The following CUX1 variants were observed in gnomAD, a reference collection of about 807,000 sequenced individuals.
The protein encoded by CUX1 is protein CASP.
A neutral mutation model predicts 158.8 loss-of-function variants in CUX1; 31 were observed. The observed-to-expected ratio is 0.20, with a 90% CI of 0.15 to 0.26. The LOEUF is 0.26. Ranked by LOEUF, CUX1 falls within the 10% of genes least tolerant of loss-of-function variation. CUX1 has a pLI of 1.00. For synonymous variants in CUX1, 879 were observed against 862.1 expected (o/e 1.02, Z -0.34); for missense variants, 1,589 against 2,014.6 (o/e 0.79, Z 4.04).
intron 9 of CUX1, among the ~76,000 whole-genome samples, chr7:102,164,584 A>G (rs1285405815): frequency 6.6e-6 from 1 of 152,200 alleles, no homozygotes; most frequent in Non-Finnish European, 1.5e-5. Context: ...GACCCTCACC[A>G]CGGAGAGTGG....
At chr7:101,995,227 A>C (rs1004483630) in intron 2 of CUX1, among the ~76,000 whole-genome samples, 1 of 151,432 alleles carries the variant, frequency 6.6e-6, no homozygotes, top group Admixed American at 6.6e-5. Flanking sequence ...CCTTAGGAAC[A>C]CTCCTCATAC....
rs578183858 is a variant in CUX1, at chr7:102,212,365, C to T, written c.3130+7195C>T. 3.5e-4 allele frequency among the ~76,000 whole-genome samples: 53 copies of T among 152,242 alleles called. 1 individual carries two copies. In the South Asian group the frequency reaches 0.011, roughly 32 times the overall value. ...GCACCGCCCCAGCACCCTGCAGTCC[C>T]ACCTTCCAGCACCACTCGTCACACA... On this transcript the variant is annotated intron_variant, in intron 20 of 23. Coordinates refer to ENST00000292535, the MANE Select transcript of CUX1 (RefSeq NM_181552.4).
intron 14 of CUX1, chr7:102,273,345 C>G: frequency 6.2e-7 from 1 of 1,609,026 alleles, no homozygotes; most frequent in African/African-American, 1.3e-5. Context: ...CTCTGACGGC[C>G]ATGTCTTCCT....
At chr7:102,258,950 C>T (rs111862580), downstream of CUX1, among the ~76,000 whole-genome samples, 4 of 152,128 alleles carry the variant, frequency 2.6e-5, no homozygotes, top group Non-Finnish European at 5.9e-5. Context: ...TAGGCTTCTC[C>T]GCGCAGTTGT....
intron 20 of CUX1, among the ~76,000 whole-genome samples, chr7:102,213,714 T>A (rs1271562752): frequency 1.3e-5 from 2 of 152,192 alleles, no homozygotes; most frequent in Non-Finnish European, 2.9e-5. Context: ...AGGGAAGGAA[T>A]GAAGAAGCTT....
chr7:102,077,876 A>G (rs1448253857), intron 4 of CUX1, among the ~76,000 whole-genome samples: 1 of 144,084 alleles, frequency 6.9e-6, no homozygotes, highest in Non-Finnish European at 1.5e-5. Context: ...GATACTTTTC[A>G]TTTTTTTTTT....
chr7:101,959,674 T>C (rs1239167398), intron 2 of CUX1: 1 of 152,194 alleles, frequency 6.6e-6, no homozygotes, highest in Non-Finnish European at 1.5e-5. Context: ...ATTTCTTTGT[T>C]TGCGTGTATT....
intron 1 of CUX1, among the ~76,000 whole-genome samples, chr7:101,872,456 G>A (rs1662390933): frequency 1.3e-5 from 2 of 152,046 alleles, no homozygotes; most frequent in South Asian, 2.1e-4. Flanking sequence ...TTTTTGGGGG[G>A]AAAGAATCTG....
intron 2 of CUX1, among the ~76,000 whole-genome samples, chr7:102,022,969 C>T (rs952556178): frequency 2.0e-5 from 3 of 152,162 alleles, no homozygotes; most frequent in South Asian, 4.1e-4. Flanking sequence ...AATCCCAGCA[C>T]TTTGGGAGGC....
chr7:102,265,106 A>C (rs1790703669), intron 14 of CUX1: 1 of 152,202 alleles, frequency 6.6e-6, no homozygotes, highest in Non-Finnish European at 1.5e-5. Flanking sequence ...CTATAATCCC[A>C]GCACTTTGGG....
At chr7:102,156,764 G>A (rs554595673) in intron 8 of CUX1, among the ~76,000 whole-genome samples, 53 of 152,306 alleles carry the variant, frequency 3.5e-4, no homozygotes, top group South Asian at 1.7e-3. Context: ...AGACTTGCCC[G>A]TCACAGACAG....
chr7:102,033,095 C>T (rs1027718491), intron 3 of CUX1, among the ~76,000 whole-genome samples: 3 of 152,134 alleles, frequency 2.0e-5, no homozygotes. Flanking sequence ...TAAGAAATAA[C>T]TTGAGTGCTC....
At position 102,201,228 on chromosome 7, in the gene CUX1, A is replaced by C; in HGVS notation, c.2063-132A>C. On this transcript the variant is annotated intron_variant, in intron 17 of 23. Transcript: ENST00000292535. The surrounding 1 kb of genome is among the most constrained non-coding windows in gnomAD (Gnocchi z 5.0). ...CCTGAATGTTTCACTGACAGGGGCCATGCTGGGGAAATACACAGTGTGGTT... is the reference window on the plus strand; with the variant it reads ...CCTGAATGTTTCACTGACAGGGGCCCTGCTGGGGAAATACACAGTGTGGTT... 7.5e-7 allele frequency: 1 copy of C among 1,337,670 alleles called. No homozygotes were observed. Among genetic ancestry groups the C allele is most frequent in the Admixed American group, 2.1e-5 (1 of 46,552 alleles). The allele number at this position is 1,337,670 out of a possible 1,614,324, so 82.9% of individuals were successfully genotyped here. A position where few individuals can be genotyped will look rare whatever the true frequency, so the allele number is the denominator to read the frequency against.
intron 4 of CUX1, among the ~76,000 whole-genome samples, chr7:102,077,639 TAAAC>T (rs1211580984): frequency 6.8e-6 from 1 of 147,128 alleles, no homozygotes; most frequent in Non-Finnish European, 1.5e-5. Context: ...AAGAAAAAAA[TAAAC>T]AAGTAAAATA....
At chr7:102,195,727 A>T (rs1794736410) in intron 14 of CUX1, 124 bp downstream of exon 14, 1 of 825,812 alleles carries the variant, frequency 1.2e-6, no homozygotes, top group African/African-American at 1.7e-5. Context: ...GTTGACGAGA[A>T]CCTTTGACTA....
intron 2 of CUX1, among the ~76,000 whole-genome samples, chr7:102,012,745 A>G (rs1342920171): frequency 6.6e-6 from 1 of 151,872 alleles, no homozygotes; most frequent in Non-Finnish European, 1.5e-5. Flanking sequence ...TCTGTCTCTC[A>G]GTACAAATTT....
At chr7:101,970,336 C>T (rs916842525) in intron 2 of CUX1, among the ~76,000 whole-genome samples, 19 of 151,970 alleles carry the variant, frequency 1.3e-4, no homozygotes, top group Admixed American at 1.1e-3. Flanking sequence ...GAGACAGAGC[C>T]GCCTGACCCT....
intron 3 of CUX1, among the ~76,000 whole-genome samples, chr7:102,034,499 A>G (rs572094255): frequency 1.3e-5 from 2 of 152,244 alleles, no homozygotes; most frequent in South Asian, 4.2e-4. Context: ...TCACACCTGT[A>G]ATCCCAGCAC....
chr7:102,117,027 G>A (rs1831504765), intron 8 of CUX1, among the ~76,000 whole-genome samples: 1 of 152,174 alleles, frequency 6.6e-6, no homozygotes, highest in Non-Finnish European at 1.5e-5. Flanking sequence ...TGCAATCAAG[G>A]GGACAGGGCG....
Sources: gnomAD v4.1 joint callset for allele counts (sites outside exome capture counted in the v4.1 genomes callset) on GRCh38, gnomAD v4.1.1 for gene constraint, Gnocchi (gnomAD v3.1) non-coding constraint, MANE v1.5 for transcripts, NCBI Gene and HGNC (gene_info 2026-07-23, HGNC 2026-07-21) for gene names.